The following C6orf132 variants were observed in gnomAD, a reference collection of about 807,000 sequenced individuals.
The protein encoded by C6orf132 is uncharacterized protein C6orf132.
A neutral mutation model predicts 65.3 loss-of-function variants in C6orf132; 43 were observed. That is an observed-to-expected ratio of 0.66 (90% confidence interval 0.52 to 0.85). C6orf132 has a LOEUF of 0.85. Ranked by LOEUF, C6orf132 falls within the 40% of genes least tolerant of loss-of-function variation. The probability of loss-of-function intolerance (pLI) is 0.00; values close to 1 mark genes in which losing one functional copy is unlikely to be tolerated. For synonymous variants in C6orf132, 631 were observed against 654.1 expected (o/e 0.96, Z 0.54); for missense variants, 1,488 against 1,548.8 (o/e 0.96, Z 0.66).
rs12200017 is a variant in C6orf132, at chr6:42,102,215, C to T, written c.*1546G>A. On this transcript the variant is annotated 3_prime_UTR_variant, in exon 5 of 5. Coordinates refer to ENST00000341865, the MANE Select transcript of C6orf132 (RefSeq NM_001164446.3). ...TGGTCACCCTACTGATAGGTCTCCC[C>T]TGCTCCTTTTTTTTTTTTTTTTTTT... is the stretch of plus-strand genomic sequence containing the variant. 2,052 of 149,158 alleles carry T rather than the reference C, an allele frequency of 0.014. 19 individuals are homozygous for T. The highest frequency in any genetic ancestry group is 0.021 in the Non-Finnish European group (1,459 of 67,866). The allele number at this position is 149,158 out of a possible 1,614,324, so 9.2% of individuals were successfully genotyped here. A position where few individuals can be genotyped will look rare whatever the true frequency, so the allele number is the denominator to read the frequency against.
chr6:42,116,805 G>A (rs1284621125), intron 2 of C6orf132, among the ~76,000 whole-genome samples: 3 of 152,068 alleles, frequency 2.0e-5, no homozygotes, highest in Middle Eastern at 3.2e-3. Context: ...GAACCTGACC[G>A]ACTCATGAAC....
chr6:42,138,404 G>A (rs988417061), intron 1 of C6orf132, among the ~76,000 whole-genome samples: 6 of 152,172 alleles, frequency 3.9e-5, no homozygotes, highest in East Asian at 1.9e-4. Context: ...CAGTCCTCCC[G>A]CCTCAGCCTC....
At chr6:42,114,317 C>T (rs1298142365) in intron 2 of C6orf132, among the ~76,000 whole-genome samples, 1 of 152,198 alleles carries the variant, frequency 6.6e-6, no homozygotes, top group Non-Finnish European at 1.5e-5. Flanking sequence ...GCCCTTGGAG[C>T]AAGTCCCAAA....
intron 1 of C6orf132, among the ~76,000 whole-genome samples, chr6:42,132,003 G>A (rs190608068): frequency 1.3e-5 from 2 of 152,022 alleles, no homozygotes; most frequent in Admixed American, 6.6e-5. Context: ...GGGGTGATGC[G>A]CTGTGAGAGG....
rs1349779689 is a variant in C6orf132, at chr6:42,142,353, T to C, written c.92A>G (p.Asn31Ser). The change falls in exon 1 of 5, where the codon AAT becomes AGT. Residue 31 changes from asparagine to serine, a missense_variant. Transcript: ENST00000341865. The part of the protein sequence containing the change: ...TTPSTSLYAT[N>S]PPWIFTQEAP... ...CTCCTGGGTGAAGATCCAGGGCGGA[T>C]TGGTGGCGTAGAGGGAGGTGCTGGG... is the stretch of plus-strand genomic sequence containing the variant. 2.1e-5 allele frequency: 32 copies of C among 1,551,038 alleles called. No individual in the cohort carries two copies. Among genetic ancestry groups the C allele is most frequent in the Non-Finnish European group, 2.5e-5 (29 of 1,146,696 alleles).
rs1250617311 is a variant in C6orf132 at position 42,106,823 on chromosome 6, A to G, written c.1089T>C (p.Pro363=). 27 of 1,534,502 alleles carry G rather than the reference A, an allele frequency of 1.8e-5. No homozygotes were observed. The highest frequency in any genetic ancestry group is 2.3e-5 in the Non-Finnish European group (26 of 1,146,602). Residue 363 remains proline (P), a synonymous_variant, in exon 4 of 5, where the codon CCT becomes CCC. Coordinates refer to ENST00000341865, the MANE Select transcript of C6orf132 (RefSeq NM_001164446.3). The part of the protein sequence containing the change: ...YPDRAPEPDC[P]GELKATAPAS... Reference sequence around the variant, plus strand: ...CTGGTGCTGTGGCCTTGAGCTCCCCAGGGCAGTCTGGCTCGGGGGCCCTGT... The same window carrying G: ...CTGGTGCTGTGGCCTTGAGCTCCCCGGGGCAGTCTGGCTCGGGGGCCCTGT...
Position 42,107,511 on chromosome 6 carries a change from C to A in C6orf132, c.401G>T (p.Gly134Val), listed in dbSNP as rs1256215011. Residue 134 changes from glycine (G) to valine (V), a missense_variant, in exon 4 of 5, where the codon GGC (glycine) becomes GTC (valine). Physicochemically the swap from Gly to Val is moderately radical, Grantham distance 109. Transcript: ENST00000341865. ...SVGDLRPGQY[G>V]QDLLIPPPPP... ...AGGTGGGGGGATGAGTAGATCCTGG[C>A]CATATTGTCCAGGCCTCAGGTCACC... 1 of 1,549,402 alleles carries A rather than the reference C, an allele frequency of 6.5e-7. No homozygotes were observed. Among genetic ancestry groups the A allele is most frequent in the Middle Eastern group, 1.7e-4 (1 of 5,968 alleles).
intron 1 of C6orf132, among the ~76,000 whole-genome samples, chr6:42,131,005 C>G (rs139929714): frequency 0.043 from 6,590 of 152,168 alleles, 496 homozygotes; most frequent in African/African-American, 0.15. Context: ...CCTGCCTCAG[C>G]CTCCGAAGTA....
chr6:42,125,434 C>T (rs1766748863), intron 2 of C6orf132, among the ~76,000 whole-genome samples: 1 of 152,212 alleles, frequency 6.6e-6, no homozygotes, highest in South Asian at 2.1e-4. Context: ...GAGTGCTCAG[C>T]ATACGGTGGC....
chr6:42,135,798 C>G (rs945908768), intron 1 of C6orf132, among the ~76,000 whole-genome samples: 2 of 152,146 alleles, frequency 1.3e-5, no homozygotes, highest in African/African-American at 4.8e-5. Context: ...CTTATTATTC[C>G]CAATTTGCAG....
At chr6:42,127,215 A>G (rs754531915) in intron 2 of C6orf132, among the ~76,000 whole-genome samples, 64 of 152,172 alleles carry the variant, frequency 4.2e-4, no homozygotes, top group Admixed American at 6.5e-4. Flanking sequence ...TCGGCCTCCC[A>G]AAGTGCTAGG....
Position 42,124,695 on chromosome 6 carries a change from G to T in C6orf132, c.252+3977C>A, listed in dbSNP as rs1766738553. Among the ~76,000 whole-genome samples the T allele has an allele frequency of 6.6e-6, 1 of 152,236 alleles. No homozygotes were observed. The highest frequency in any genetic ancestry group is 6.5e-5 in the Admixed American group (1 of 15,288). On this transcript the variant is annotated intron_variant, in intron 2 of 4. Transcript: ENST00000341865. This position sits in a 1 kb window ranked among gnomAD's most constrained non-coding sequence, Gnocchi z 4.0. The stretch of plus-strand genomic sequence containing the variant: ...ACGGGGTGTGTGCGTGTGCATGTGT[G>T]TGTGAGCCCACACCCACACAGAGCT...
At chr6:42,135,051 T>C (rs1343062482) in intron 1 of C6orf132, among the ~76,000 whole-genome samples, 1 of 152,154 alleles carries the variant, frequency 6.6e-6, no homozygotes, top group Non-Finnish European at 1.5e-5. Context: ...GTGATCGTCA[T>C]TTTCTCTCTG....
Position 42,124,468 on chromosome 6 carries a change from CCTCGAGGGGCCTGT to C in C6orf132, c.252+4190_252+4203del, listed in dbSNP as rs1274759928. ...CCAGGCCTGGAGAGAGCTCACAGGC[CCTCGAGGGGCCTGT>C]CACCTGACTTCTTGGGCACTGCTAC... On this transcript the variant is annotated intron_variant, in intron 2 of 4. Transcript: ENST00000341865. This position sits in a 1 kb window ranked among gnomAD's most constrained non-coding sequence, Gnocchi z 4.0. Among the ~76,000 whole-genome samples, 13 of 152,158 alleles carry C rather than the reference CCTCGAGGGGCCTGT, an allele frequency of 8.5e-5. No homozygotes were observed. Among genetic ancestry groups the C allele is most frequent in the African/African-American group, 2.9e-4 (12 of 41,444 alleles).
Position 42,104,501 on chromosome 6 carries a change from G to A in C6orf132, c.3411C>T (p.Pro1137=). The change falls in exon 4 of 5, where the codon CCC becomes CCT. Residue 1137 remains proline (P), a synonymous_variant. Transcript: ENST00000341865. This position sits in a 1 kb window ranked among gnomAD's most constrained non-coding sequence, Gnocchi z 4.1. ...GGGCGAAGCCGTAGTCGGCGCTGCC[G>A]GGCGCTTTGTGCTTGGCCTCCGCGG... ...RGAAEAKHKA[P]GSADYGFAPA... The A allele has an allele frequency of 8.1e-7, 1 of 1,232,522 alleles. No individual in the cohort carries two copies. The highest frequency in any genetic ancestry group is 1.0e-6 in the Non-Finnish European group (1 of 988,722). 76.3% of individuals were successfully genotyped at this position (1,232,522 alleles called of 1,614,324 possible). A position where few individuals can be genotyped will look rare whatever the true frequency, so the allele number is the denominator to read the frequency against.
chr6:42,103,788 TG>T lies in C6orf132; in HGVS notation c.3539del (p.Ser1180Ter). 1.4e-6 allele frequency: 2 copies of T among 1,464,366 alleles called. No homozygotes were observed. The highest frequency in any genetic ancestry group is 1.3e-5 in the South Asian group (1 of 74,666). The allele number at this position is 1,464,366 out of a possible 1,614,324, so 90.7% of individuals were successfully genotyped here. ...GTRHPISYVC[S>X]GAHRKATS ...AGGAGGTGGCTTTCCGATGGGCCCC[TG>T]AGCAGACATAGGAGATGGGATGGCG... is the stretch of plus-strand genomic sequence containing the variant. On this transcript the variant is annotated frameshift_variant, in exon 5 of 5. Coordinates refer to ENST00000341865, the MANE Select transcript of C6orf132 (RefSeq NM_001164446.3). LOFTEE classifies it high-confidence loss of function.
chr6:42,108,865 C>T (rs1461896561), intron 3 of C6orf132, among the ~76,000 whole-genome samples: 1 of 152,122 alleles, frequency 6.6e-6, no homozygotes, highest in Non-Finnish European at 1.5e-5. Context: ...TGAAGGGCTC[C>T]TCCCAGCTGC....
At chr6:42,115,802 C>T (rs1390041239) in intron 2 of C6orf132, among the ~76,000 whole-genome samples, 1 of 151,818 alleles carries the variant, frequency 6.6e-6, no homozygotes, top group East Asian at 1.9e-4. Context: ...TAGACATCAC[C>T]TCTTTCTTCC....
Position 42,103,792 on chromosome 6 carries a change from C to G in C6orf132, c.3536G>C (p.Cys1179Ser), listed in dbSNP as rs1409064306. The change falls in exon 5 of 5, where the codon TGC (cysteine) becomes TCC (serine). Residue 1179 changes from cysteine (C) to serine (S), a missense_variant. Coordinates refer to ENST00000341865, the MANE Select transcript of C6orf132 (RefSeq NM_001164446.3). ...GGTGGCTTTCCGATGGGCCCCTGAGCAGACATAGGAGATGGGATGGCGGGT... is the reference window on the plus strand; with the variant it reads ...GGTGGCTTTCCGATGGGCCCCTGAGGAGACATAGGAGATGGGATGGCGGGT... Reference protein sequence around the residue: ...PGTRHPISYVCSGAHRKATS With the variant: ...PGTRHPISYVSSGAHRKATS 1.4e-6 allele frequency: 2 copies of G among 1,469,036 alleles called. No homozygotes were observed. The highest frequency in any genetic ancestry group is 1.8e-6 in the Non-Finnish European group (2 of 1,111,798). 91.0% of individuals were successfully genotyped at this position (1,469,036 alleles called of 1,614,324 possible).
Sources: gnomAD v4.1 joint callset for allele counts (sites outside exome capture counted in the v4.1 genomes callset) on GRCh38, gnomAD v4.1.1 for gene constraint, Gnocchi (gnomAD v3.1) non-coding constraint, MANE v1.5 for transcripts, NCBI Gene and HGNC (gene_info 2026-07-23, HGNC 2026-07-21) for gene names.